The following CACUL1 variants were observed in gnomAD, a reference collection of about 807,000 sequenced individuals.
CACUL1 encodes the protein CDK2-associated and cullin domain-containing protein 1.
In CACUL1, 13 loss-of-function variants were observed where a neutral mutation model predicts 45.2. That is an observed-to-expected ratio of 0.29 (90% CI 0.19 to 0.46). The LOEUF is 0.46. CACUL1 is among the 20% of genes least tolerant of loss of function. CACUL1 has a pLI of 1.00. For synonymous variants in CACUL1, 197 were observed against 174.2 expected, an observed-to-expected ratio of 1.13 and a Z score of -1.03; for missense variants, 421 against 471.4, an observed-to-expected ratio of 0.89 and a Z score of 0.99.
chr10:118,679,439 C>T lies in CACUL1; in HGVS notation c.*6689G>A, dbSNP rs946454870. 1 of 151,830 alleles carries T rather than the reference C, an allele frequency of 6.6e-6. No homozygotes were observed. The allele number at this position is 151,830 out of a possible 1,614,324, so 9.4% of individuals were successfully genotyped here. ...CCATGTTAGCCAGGCTGGTCTCGAGCTCCTGGCCTCAAGTGATCCACCTGC... is the reference window on the plus strand; with the variant it reads ...CCATGTTAGCCAGGCTGGTCTCGAGTTCCTGGCCTCAAGTGATCCACCTGC... On this transcript the variant is annotated 3_prime_UTR_variant, in exon 9 of 9. Coordinates refer to ENST00000369151, the MANE Select transcript of CACUL1 (RefSeq NM_153810.5).
chr10:118,754,948 G>T lies in CACUL1; in HGVS notation c.-186C>A, dbSNP rs1048897074. 5 of 703,926 alleles carry T rather than the reference G, an allele frequency of 7.1e-6. No individual in the cohort carries two copies. The highest frequency in any genetic ancestry group is 6.8e-5 in the East Asian group (2 of 29,568). 43.6% of individuals were successfully genotyped at this position (703,926 alleles called of 1,614,324 possible). ...CGACTAGCTTGAAGACGCGGCTGACGGCGGTGGGCGCTCCGGGGCTCTAGT... is the reference window on the plus strand; with the variant it reads ...CGACTAGCTTGAAGACGCGGCTGACTGCGGTGGGCGCTCCGGGGCTCTAGT... On this transcript the variant is annotated 5_prime_UTR_variant, in exon 1 of 9. Transcript: ENST00000369151.
intron 1 of CACUL1, among the ~76,000 whole-genome samples, chr10:118,731,829 T>C (rs1589615795): frequency 6.6e-6 from 1 of 152,186 alleles, no homozygotes; most frequent in South Asian, 2.1e-4. Context: ...CAAATTACTA[T>C]GTAAATTTAA....
intron 1 of CACUL1, among the ~76,000 whole-genome samples, chr10:118,742,082 T>C (rs147392645): frequency 6.6e-6 from 1 of 152,226 alleles, no homozygotes; most frequent in South Asian, 2.1e-4. Context: ...CATAATTACC[T>C]TTCTATCACC....
chr10:118,686,451 T>C, intron 8 of CACUL1, 147 bp downstream of exon 8: 1 of 724,154 alleles, frequency 1.4e-6, no homozygotes, highest in Non-Finnish European at 2.4e-6. Flanking sequence ...TGCCACAGCA[T>C]GCAAAGCATC....
At position 118,684,495 on chromosome 10, in the gene CACUL1, G is replaced by T. The variant is rs1374779680; in HGVS notation, c.*1633C>A. 1 of 152,204 alleles carries T rather than the reference G, an allele frequency of 6.6e-6. No individual in the cohort carries two copies. The highest frequency in any genetic ancestry group is 3.2e-3 in the Middle Eastern group (1 of 316). The allele number at this position is 152,204 out of a possible 1,614,324, so 9.4% of individuals were successfully genotyped here. A position where few individuals can be genotyped will look rare whatever the true frequency, so the allele number is the denominator to read the frequency against. On this transcript the variant is annotated 3_prime_UTR_variant, in exon 9 of 9. Transcript: ENST00000369151. ...TTCAGTGTTCATCGATGCAATCCAG[G>T]ATGCTCACAGAGTGAATTGAGTCCA...
intron 3 of CACUL1, among the ~76,000 whole-genome samples, chr10:118,722,080 C>CTTTTT (rs11358147): frequency 1.3e-4 from 18 of 140,520 alleles, no homozygotes; most frequent in Non-Finnish European, 1.2e-4. Context: ...CAGAAACAAA[C>CTTTTT]TTTTTTTTTT....
intron 4 of CACUL1, among the ~76,000 whole-genome samples, chr10:118,703,248 G>C (rs1050706628): frequency 2.9e-4 from 34 of 116,822 alleles, no homozygotes; most frequent in Admixed American, 2.0e-3. Context: ...ATTCTACACT[G>C]GGAAAACTTC....
chr10:118,707,475 AAGG>A lies in CACUL1; in HGVS notation c.693+14_693+16del. ...TACACCTAGGTATTTGGGAAGGAGG[AAGG>A]AGCTCTTACTTACCATATATATGAA... On this transcript the variant is annotated intron_variant, in intron 4 of 8. Coordinates refer to ENST00000369151, the MANE Select transcript of CACUL1 (RefSeq NM_153810.5). The A allele has an allele frequency of 8.5e-7, 1 of 1,182,572 alleles. No homozygotes were observed. Among genetic ancestry groups the A allele is most frequent in the African/African-American group, 1.5e-5 (1 of 66,700 alleles). 73.3% of individuals were successfully genotyped at this position (1,182,572 alleles called of 1,614,324 possible). A position where few individuals can be genotyped will look rare whatever the true frequency, so the allele number is the denominator to read the frequency against.
At chr10:118,725,124 G>A (rs1376985570) in intron 3 of CACUL1, among the ~76,000 whole-genome samples, 1 of 152,088 alleles carries the variant, frequency 6.6e-6, no homozygotes, top group Non-Finnish European at 1.5e-5. Context: ...ACATTTTGAG[G>A]CTCTGGAGAT....
intron 1 of CACUL1, among the ~76,000 whole-genome samples, chr10:118,740,768 T>C (rs1366773493): frequency 1.3e-5 from 2 of 151,218 alleles, no homozygotes; most frequent in African/African-American, 4.9e-5. Context: ...CTACTAAAAA[T>C]ACAAAAAATT....
intron 3 of CACUL1, among the ~76,000 whole-genome samples, chr10:118,709,661 C>A (rs1327830222): frequency 6.6e-6 from 1 of 152,134 alleles, no homozygotes; most frequent in Non-Finnish European, 1.5e-5. Flanking sequence ...TAAGAAATGC[C>A]ACATGGAAGG....
rs1284740582 is a variant in CACUL1, at chr10:118,684,558, CT to C, written c.*1569del. The C allele has an allele frequency of 3.3e-5, 5 of 152,216 alleles. No homozygotes were observed. Among genetic ancestry groups the C allele is most frequent in the Non-Finnish European group, 7.3e-5 (5 of 68,046 alleles). The allele number at this position is 152,216 out of a possible 1,614,324, so 9.4% of individuals were successfully genotyped here. On this transcript the variant is annotated 3_prime_UTR_variant, in exon 9 of 9. Transcript: ENST00000369151. ...AAAATCCACGAACTCTGGTTAAGTA[CT>C]TTAAAAAATAAATCTGACAACCTTT...
In CACUL1 at chr10:118,754,386, C is replaced by T. The variant is rs201928466; in HGVS notation, c.367+10G>A. 5.8e-5 allele frequency: 89 copies of T among 1,536,076 alleles called. 1 individual carries two copies. The African/African-American group carries it at 1.2e-3, about 20-fold the overall frequency. On this transcript the variant is annotated intron_variant, in intron 1 of 8. Coordinates refer to ENST00000369151, the MANE Select transcript of CACUL1 (RefSeq NM_153810.5). Reference sequence around the variant, plus strand: ...GAAAAGCCAAGGCTGCAGGGAAAGGCTGGACTCACAGAACTTGGAGGTGGA... The same window carrying T: ...GAAAAGCCAAGGCTGCAGGGAAAGGTTGGACTCACAGAACTTGGAGGTGGA...
At chr10:118,728,419 T>C (rs1273431905) in intron 3 of CACUL1, among the ~76,000 whole-genome samples, 3 of 151,670 alleles carry the variant, frequency 2.0e-5, no homozygotes, top group Non-Finnish European at 4.4e-5. Flanking sequence ...GTTCAAGCGA[T>C]TTCCCTGCCT....
chr10:118,678,590 T>A lies in CACUL1; in HGVS notation c.*7538A>T, dbSNP rs549240100. The A allele has an allele frequency of 7.9e-5, 12 of 152,118 alleles. No homozygotes were observed. The highest frequency in any genetic ancestry group is 1.8e-4 in the Non-Finnish European group (12 of 68,038). The allele number at this position is 152,118 out of a possible 1,614,324, so 9.4% of individuals were successfully genotyped here. The stretch of plus-strand genomic sequence containing the variant: ...AGATAATATTGAGTGTTATCCCTTA[T>A]ATTCTCTACACTTATTTAGGTCCAT... On this transcript the variant is annotated 3_prime_UTR_variant, in exon 9 of 9. Coordinates refer to ENST00000369151, the MANE Select transcript of CACUL1 (RefSeq NM_153810.5).
Position 118,707,594 on chromosome 10 carries a change from G to A in CACUL1, c.598-7C>T. On this transcript the variant is annotated splice_region_variant and splice_polypyrimidine_tract_variant and intron_variant, in intron 3 of 8. Transcript: ENST00000369151. The stretch of plus-strand genomic sequence containing the variant: ...AGAGATCTGGAGGGCTGGCCTGTGA[G>A]AAAGAACAGAAGTGTGATCAATCTG... 7.3e-7 allele frequency: 1 copy of A among 1,362,764 alleles called. No individual in the cohort carries two copies. The highest frequency in any genetic ancestry group is 1.0e-6 in the Non-Finnish European group (1 of 962,374). The allele number at this position is 1,362,764 out of a possible 1,614,324, so 84.4% of individuals were successfully genotyped here.
chr10:118,714,621 G>C (rs755131506), intron 3 of CACUL1, among the ~76,000 whole-genome samples: 1 of 152,062 alleles, frequency 6.6e-6, no homozygotes, highest in East Asian at 1.9e-4. Context: ...TTTTTTTCAA[G>C]TGAAAATACC....
intron 3 of CACUL1, among the ~76,000 whole-genome samples, chr10:118,708,209 A>G (rs1248635143): frequency 2.0e-5 from 3 of 151,976 alleles, no homozygotes; most frequent in Non-Finnish European, 2.9e-5. Context: ...CTATTACTGA[A>G]TTACATGGAT....
At chr10:118,732,004 CA>C (rs1476005800) in intron 1 of CACUL1, among the ~76,000 whole-genome samples, 3 of 152,142 alleles carry the variant, frequency 2.0e-5, no homozygotes, top group Admixed American at 2.0e-4. Flanking sequence ...CGTGCGCAAA[CA>C]TAACAGTAGG....
Sources: allele counts gnomAD v4.1 joint callset (sites outside exome capture counted in the v4.1 genomes callset), GRCh38; gene constraint gnomAD v4.1.1; transcripts MANE v1.5; gene names NCBI Gene and HGNC (gene_info 2026-07-23, HGNC 2026-07-21).